GBF1: variants seen among roughly 807,000 people sequenced by gnomAD.
GBF1 encodes golgi brefeldin A resistant guanine nucleotide exchange factor 1, also known as Golgi-specific brefeldin A-resistance guanine nucleotide exchange factor 1.
A neutral mutation model predicts 210.5 loss-of-function variants in GBF1; 114 were observed. That is an observed-to-expected ratio of 0.54 (90% confidence interval 0.47 to 0.63). The LOEUF is 0.63. Among genes scored for constraint, GBF1 ranks in the 30% least tolerant of loss-of-function variants. The pLI, the probability that GBF1 is intolerant of heterozygous loss-of-function variation, is 0.00. For synonymous variants in GBF1, 850 were observed against 889.2 expected (o/e 0.96, Z 0.78); for missense variants, 1,851 against 2,357.7 (o/e 0.79, Z 4.45).
At chr10:102,330,269 G>T (rs1304364668) in intron 3 of GBF1, among the ~76,000 whole-genome samples, 1 of 152,148 alleles carries the variant, frequency 6.6e-6, no homozygotes, top group Non-Finnish European at 1.5e-5. Context: ...GTGACCTTGG[G>T]TAAGTCACTT....
rs375413032 is a variant in GBF1 at position 102,365,875 on chromosome 10, TGATAGAGTGA to T, written c.2309+300_2309+309del. 1.2e-3 allele frequency among the ~76,000 whole-genome samples: 173 copies of T among 148,276 alleles called. 1 individual carries two copies. Among genetic ancestry groups the T allele is most frequent in the South Asian group, 5.2e-3 (25 of 4,780 alleles). On this transcript the variant is annotated intron_variant, in intron 18 of 39. Transcript: ENST00000369983. The stretch of plus-strand genomic sequence containing the variant: ...GCAGTGAGCTGTGATCATGCCACTG[TGATAGAGTGA>T]GATAGAGTGAGATAGAGTGAGATCA...
intron 3 of GBF1, among the ~76,000 whole-genome samples, chr10:102,330,646 A>G (rs936761274): frequency 2.6e-5 from 4 of 152,058 alleles, no homozygotes; most frequent in Non-Finnish European, 5.9e-5. Flanking sequence ...AAATCACGCC[A>G]TTGCACTCCA....
upstream of GBF1, among the ~76,000 whole-genome samples, chr10:102,241,894 A>G (rs1159988098): frequency 6.6e-6 from 1 of 152,210 alleles, no homozygotes. The surrounding 1 kb of genome is among the most constrained non-coding windows in gnomAD (Gnocchi z 6.7). Flanking sequence ...GATCGGCGCC[A>G]GGTGGGAAGG....
chr10:102,301,421 TC>T (rs2077337791), intron 3 of GBF1, among the ~76,000 whole-genome samples: 1 of 152,240 alleles, frequency 6.6e-6, no homozygotes, highest in South Asian at 2.1e-4. Context: ...CTCTATCTTT[TC>T]CCCACATTTC....
chr10:102,281,518 C>CATAAATT (rs2075473225), intron 3 of GBF1, among the ~76,000 whole-genome samples: 1 of 150,358 alleles, frequency 6.7e-6, no homozygotes, highest in Non-Finnish European at 1.5e-5. Flanking sequence ...CTATAAAGCA[C>CATAAATT]ATAAATTATA....
intron 36 of GBF1, 69 bp downstream of exon 36, chr10:102,380,023 C>T: frequency 9.2e-7 from 1 of 1,091,390 alleles, no homozygotes; most frequent in Non-Finnish European, 1.4e-6. Flanking sequence ...GAAGCCAGGG[C>T]TTCTGGCAGG....
chr10:102,296,156 A>G (rs978831214), intron 3 of GBF1, among the ~76,000 whole-genome samples: 1 of 152,188 alleles, frequency 6.6e-6, no homozygotes, highest in African/African-American at 2.4e-5. Flanking sequence ...AGAAGAAACT[A>G]AAACTTAAAC....
intron 3 of GBF1, among the ~76,000 whole-genome samples, chr10:102,307,309 C>T (rs2077976316): frequency 6.6e-6 from 1 of 152,044 alleles, no homozygotes; most frequent in African/African-American, 2.4e-5. Flanking sequence ...TCTGATTCTG[C>T]TATTTAAAAA....
At chr10:102,232,071 C>A in the GBF1 span, 1 of 1,597,206 alleles carries the variant, frequency 6.3e-7, no homozygotes, top group South Asian at 1.1e-5. Flanking sequence ...CTGAGCAGGC[C>A]GAACTCCATG....
intron 3 of GBF1, among the ~76,000 whole-genome samples, chr10:102,272,908 C>T (rs1347876878): frequency 6.6e-6 from 1 of 152,112 alleles, no homozygotes; most frequent in Non-Finnish European, 1.5e-5. Context: ...ATTTTTGGTG[C>T]TCACATTATT....
chr10:102,367,245 C>G, intron 20 of GBF1, 35 bp downstream of exon 20: 1 of 1,607,488 alleles, frequency 6.2e-7, no homozygotes, highest in South Asian at 1.1e-5. Flanking sequence ...AAAGAAGACC[C>G]AGCACAGCTT....
chr10:102,348,019 C>A (rs2058690904), intron 4 of GBF1, among the ~76,000 whole-genome samples: 1 of 152,140 alleles, frequency 6.6e-6, no homozygotes, highest in African/African-American at 2.4e-5. Flanking sequence ...TCACTGCAAC[C>A]TCCATTTCCT....
intron 36 of GBF1, 44 bp downstream of exon 36, chr10:102,379,998 C>G: frequency 7.4e-7 from 1 of 1,345,844 alleles, no homozygotes; most frequent in Non-Finnish European, 1.1e-6. Flanking sequence ...CCATACCTGC[C>G]TTTTCCCGAG....
chr10:102,351,368 C>A lies in GBF1; in HGVS notation c.408C>A (p.Ile136=). 6.5e-7 allele frequency: 1 copy of A among 1,548,574 alleles called. No individual in the cohort carries two copies. The highest frequency in any genetic ancestry group is 8.9e-7 in the Non-Finnish European group (1 of 1,120,246). ...GTGATGAAGTTGTCCTGATGAAAAT[C>A]CTTCAGGTAAGCGAGAGGGAAATAG... ...PASDEVVLMK[I]LQVLRTLLLT... The change falls in exon 5 of 40, where the codon ATC becomes ATA. Residue 136 remains isoleucine (I), a synonymous_variant. Transcript: ENST00000369983.
intron 13 of GBF1, among the ~76,000 whole-genome samples, 159 bp from the exon 14 acceptor site, chr10:102,361,559 A>G (rs1472659851): frequency 6.6e-6 from 1 of 152,208 alleles, no homozygotes; most frequent in Non-Finnish European, 1.5e-5. Context: ...AGGCCAAAGA[A>G]GAGATATATT....
At chr10:102,259,418 C>T (rs1016426887) in intron 2 of GBF1, among the ~76,000 whole-genome samples, 3 of 152,114 alleles carry the variant, frequency 2.0e-5, no homozygotes, top group African/African-American at 7.2e-5. Flanking sequence ...AGTGATGGTA[C>T]TCCTTCTTGG....
At chr10:102,250,829 C>T (rs546708866) in intron 1 of GBF1, among the ~76,000 whole-genome samples, 35 of 152,096 alleles carry the variant, frequency 2.3e-4, no homozygotes, top group African/African-American at 7.7e-4. Context: ...TGGTTGTGGG[C>T]GCCTGTAATC....
At chr10:102,235,575 A>G in the GBF1 span, among the ~76,000 whole-genome samples, 1 of 152,216 alleles carries the variant, frequency 6.6e-6, no homozygotes, top group Non-Finnish European at 1.5e-5. Context: ...GTTTAGATAA[A>G]AACATAAACA....
chr10:102,356,639 C>T (rs1024387193), intron 8 of GBF1, among the ~76,000 whole-genome samples: 3 of 151,832 alleles, frequency 2.0e-5, no homozygotes, highest in Admixed American at 6.6e-5. Flanking sequence ...TGGTGGCGGG[C>T]GCCTGTAGTC....
Sources: allele counts gnomAD v4.1 joint callset (sites outside exome capture counted in the v4.1 genomes callset), GRCh38; gene constraint gnomAD v4.1.1; non-coding constraint Gnocchi (gnomAD v3.1); transcripts MANE v1.5; gene names NCBI Gene and HGNC (gene_info 2026-07-23, HGNC 2026-07-21).